ZRANB1: variants seen among roughly 807,000 people sequenced by gnomAD.
The protein encoded by ZRANB1 is zinc finger RANBP2-type containing 1.
In ZRANB1, 16 loss-of-function variants were observed where a neutral mutation model predicts 80.5. The ratio of observed to expected loss-of-function variants is 0.20; its 90% confidence interval spans 0.13 to 0.30. ZRANB1 has a LOEUF of 0.30. Ranked by LOEUF, ZRANB1 falls within the 10% of genes least tolerant of loss-of-function variation. The pLI is 1.00. For missense variants in ZRANB1, 576 were observed against 862.6 expected (o/e 0.67, Z 4.16); for synonymous variants, 291 against 293.1 (o/e 0.99, Z 0.07).
chr10:124,941,120 G>A (rs1951532730), upstream of ZRANB1, among the ~76,000 whole-genome samples: 1 of 151,952 alleles, frequency 6.6e-6, no homozygotes, highest in Non-Finnish European at 1.5e-5. Flanking sequence ...CTCTTTCCGG[G>A]TGAAAAATAG....
chr10:124,973,132 A>T (rs1373489827), intron 3 of ZRANB1, among the ~76,000 whole-genome samples: 2 of 152,120 alleles, frequency 1.3e-5, no homozygotes, highest in Non-Finnish European at 2.9e-5. Context: ...CCCCAGAATG[A>T]TTAGATTTTT....
chr10:124,919,829 T>C, the ZRANB1 span, among the ~76,000 whole-genome samples: 1 of 149,500 alleles, frequency 6.7e-6, no homozygotes, highest in Non-Finnish European at 1.5e-5. Context: ...GCCAGGATGG[T>C]CTCGATCTCC....
chr10:124,963,138 C>T (rs543529933), intron 1 of ZRANB1, among the ~76,000 whole-genome samples: 19 of 151,704 alleles, frequency 1.3e-4, no homozygotes, highest in South Asian at 6.2e-4. Flanking sequence ...TGGTGGTGTG[C>T]GCCAGTAGTC....
At chr10:124,927,206 C>T in the ZRANB1 span, among the ~76,000 whole-genome samples, 50 of 152,312 alleles carry the variant, frequency 3.3e-4, no homozygotes, top group East Asian at 2.5e-3. Flanking sequence ...CCGCCCGCCT[C>T]GGCCTCCCAA....
chr10:124,944,970 T>C (rs1214260559), intron 1 of ZRANB1, among the ~76,000 whole-genome samples: 3 of 152,160 alleles, frequency 2.0e-5, no homozygotes. Flanking sequence ...TGTTGTCCCA[T>C]TTTATTCCTC....
chr10:124,967,916 T>A (rs943495814), intron 2 of ZRANB1, among the ~76,000 whole-genome samples: 1 of 151,976 alleles, frequency 6.6e-6, no homozygotes, highest in Non-Finnish European at 1.5e-5. Flanking sequence ...TTTTTTTTTT[T>A]AAGCTGGAGT....
At position 124,942,247 on chromosome 10, in the gene ZRANB1, A is replaced by G; in HGVS notation, c.-247A>G. 7.6e-7 allele frequency: 1 copy of G among 1,324,388 alleles called. No homozygotes were observed. Among genetic ancestry groups the G allele is most frequent in the Non-Finnish European group, 9.6e-7 (1 of 1,037,022 alleles). 82.0% of individuals were successfully genotyped at this position (1,324,388 alleles called of 1,614,324 possible). On this transcript the variant is annotated 5_prime_UTR_variant, in exon 1 of 9. Transcript: ENST00000359653. ...GCATTCCAAAGTTCAGTTTTATTAA[A>G]TCCCAGGGTCTAAGATTTTTTCTTT...
In ZRANB1 at chr10:124,942,338, T is replaced by G; in HGVS notation, c.-156T>G. On this transcript the variant is annotated 5_prime_UTR_variant, in exon 1 of 9. An upstream start codon of the reference 5' UTR is lost. Transcript: ENST00000359653. ...AAATTAGGATAATTCAATGTCGAAATGTTGCATGCATCTTTTGAGAAATTT... is the reference window on the plus strand; with the variant it reads ...AAATTAGGATAATTCAATGTCGAAAGGTTGCATGCATCTTTTGAGAAATTT... The G allele has an allele frequency of 7.0e-7, 1 of 1,432,408 alleles. No homozygotes were observed. Among genetic ancestry groups the G allele is most frequent in the South Asian group, 1.6e-5 (1 of 64,210 alleles). The allele number at this position is 1,432,408 out of a possible 1,614,324, so 88.7% of individuals were successfully genotyped here. A position where few individuals can be genotyped will look rare whatever the true frequency, so the allele number is the denominator to read the frequency against.
chr10:124,977,348 C>T (rs1284132507), intron 5 of ZRANB1, among the ~76,000 whole-genome samples: 2 of 150,602 alleles, frequency 1.3e-5, no homozygotes, highest in East Asian at 1.9e-4. Flanking sequence ...TTTATGCCCA[C>T]CTGTTCCTCA....
At chr10:124,940,600 T>G, upstream of ZRANB1, 1 of 1,188,612 alleles carries the variant, frequency 8.4e-7, no homozygotes, top group Non-Finnish European at 1.1e-6. Flanking sequence ...TTATAGTGAT[T>G]TTTTTTTCTT....
chr10:124,936,664 T>C, the ZRANB1 span, among the ~76,000 whole-genome samples: 1 of 152,292 alleles, frequency 6.6e-6, no homozygotes, highest in African/African-American at 2.4e-5. Context: ...AATATACTGA[T>C]GAGAAAAGAG....
chr10:124,922,052 C>CCACTTTAGCCTCCCAAGTAGCTGGA, the ZRANB1 span, among the ~76,000 whole-genome samples: 2 of 151,662 alleles, frequency 1.3e-5, no homozygotes, highest in African/African-American at 4.9e-5. Context: ...AACTGTCCTC[C>CCACTTTAGCCTCCCAAGTAGCTGGA]CACTTTAGCC....
intron 2 of ZRANB1, among the ~76,000 whole-genome samples, chr10:124,967,344 A>G (rs1378391244): frequency 6.6e-6 from 1 of 152,210 alleles, no homozygotes; most frequent in African/African-American, 2.4e-5. Flanking sequence ...GAAGTTGAGG[A>G]AAGCATTTTT....
chr10:124,979,925 A>G (rs147412018), intron 5 of ZRANB1, among the ~76,000 whole-genome samples: 8 of 152,222 alleles, frequency 5.3e-5, no homozygotes. Context: ...CTGGATGATC[A>G]TATCTTTGTA....
At chr10:124,949,125 G>T (rs867183351) in intron 1 of ZRANB1, among the ~76,000 whole-genome samples, 2 of 152,054 alleles carry the variant, frequency 1.3e-5, no homozygotes, top group Non-Finnish European at 2.9e-5. Flanking sequence ...TCTAAAGTCA[G>T]GTTTATGTTT....
the ZRANB1 span, among the ~76,000 whole-genome samples, chr10:124,922,025 C>G: frequency 1.3e-5 from 2 of 151,836 alleles, no homozygotes; most frequent in Admixed American, 1.3e-4. Flanking sequence ...GAGTGCAGTG[C>G]TGATCATGAC....
chr10:124,944,184 AT>A (rs967119869), intron 1 of ZRANB1, among the ~76,000 whole-genome samples: 39 of 149,858 alleles, frequency 2.6e-4, no homozygotes, highest in Middle Eastern at 3.4e-3. Flanking sequence ...AGTCTTCAGT[AT>A]TTTTTTTTTG....
upstream of ZRANB1, among the ~76,000 whole-genome samples, chr10:124,938,617 C>T (rs566904167): frequency 7.5e-4 from 114 of 152,294 alleles, no homozygotes; most frequent in African/African-American, 2.6e-3. Flanking sequence ...AGCACCTAGC[C>T]ACTCTTCAAT....
chr10:124,920,214 C>T, the ZRANB1 span, among the ~76,000 whole-genome samples: 1 of 152,180 alleles, frequency 6.6e-6, no homozygotes, highest in Non-Finnish European at 1.5e-5. Context: ...CGTGAGCCAC[C>T]GCACTCGGCC....
Sources: allele counts gnomAD v4.1 joint callset (sites outside exome capture counted in the v4.1 genomes callset), GRCh38; gene constraint gnomAD v4.1.1; transcripts MANE v1.5; gene names NCBI Gene and HGNC (gene_info 2026-07-23, HGNC 2026-07-21).